LYST: variants seen among roughly 807,000 people sequenced by gnomAD.
LYST encodes the protein lysosomal-trafficking regulator.
In LYST, 192 loss-of-function variants were observed where a neutral mutation model predicts 413.6. That is an observed-to-expected ratio of 0.46 (90% CI 0.41 to 0.52). LYST has a LOEUF of 0.52. Among genes scored for constraint, LYST ranks in the 20% least tolerant of loss-of-function variants. The pLI, the probability that LYST is intolerant of heterozygous loss-of-function variation, is 0.00. For synonymous variants in LYST, 1,525 were observed against 1,567.3 expected (o/e 0.97, Z 0.64); for missense variants, 3,815 against 4,499.9 (o/e 0.85, Z 4.35).
At position 235,686,178 on chromosome 1, in the gene LYST, C is replaced by T. The variant is rs1215241286; in HGVS notation, c.10800+771G>A. ...AGCCAGGAGTTCGAGACCAGCCTGG[C>T]CAACATGGCAAAACCCCATCTCTAC... On this transcript the variant is annotated intron_variant, in intron 48 of 52. Coordinates refer to ENST00000389793, the MANE Select transcript of LYST (RefSeq NM_000081.4). The surrounding 1 kb of genome is among the most constrained non-coding windows in gnomAD (Gnocchi z 4.0). Among the ~76,000 whole-genome samples the T allele has an allele frequency of 1.3e-5, 2 of 152,122 alleles. No homozygotes were observed. Among genetic ancestry groups the T allele is most frequent in the East Asian group, 3.9e-4 (2 of 5,136 alleles).
chr1:235,825,031 A>AAACAAC (rs534430125), intron 3 of LYST, among the ~76,000 whole-genome samples: 11 of 151,996 alleles, frequency 7.2e-5, no homozygotes, highest in African/African-American at 2.4e-4. Flanking sequence ...AAAAAAAAGA[A>AAACAAC]AACAACAACA....
chr1:235,793,684 AAGAGGTAAAATACT>A (rs1250375721), intron 10 of LYST, 72 bp from the exon 11 acceptor site: 4 of 803,950 alleles, frequency 5.0e-6, no homozygotes, highest in Non-Finnish European at 8.7e-6. Context: ...ATTTCACCAA[AAGAGGTAAAATACT>A]ATTGTCACTT....
chr1:235,763,694 A>AG (rs926409592), intron 21 of LYST, among the ~76,000 whole-genome samples: 6 of 151,898 alleles, frequency 4.0e-5, no homozygotes, highest in Non-Finnish European at 5.9e-5. Flanking sequence ...CCTGGCCTCA[A>AG]GTGATCCACC....
chr1:235,720,867 G>A lies in LYST; in HGVS notation c.9354C>T (p.Asn3118=). The A allele has an allele frequency of 6.2e-7, 1 of 1,613,572 alleles. No individual in the cohort carries two copies. Among genetic ancestry groups the A allele is most frequent in the Non-Finnish European group, 8.5e-7 (1 of 1,179,528 alleles). Residue 3118 remains asparagine (N), a synonymous_variant, in exon 40 of 53, where the codon AAC becomes AAT. Coordinates refer to ENST00000389793, the MANE Select transcript of LYST (RefSeq NM_000081.4). The part of the protein sequence containing the change: ...DDVYHNILTN[N]LPNLLEYGNI... ...TACCATATTCCAGAAGATTAGGGAG[G>A]TTATTTGTGAGTATATTGTGGTATA...
intron 1 of LYST, among the ~76,000 whole-genome samples, chr1:235,836,687 C>T (rs527739128): frequency 7.4e-4 from 113 of 152,226 alleles, no homozygotes; most frequent in Non-Finnish European, 1.3e-3. Context: ...GAAGTGTTCC[C>T]CTGAAACCAT....
intron 3 of LYST, among the ~76,000 whole-genome samples, chr1:235,825,224 A>G (rs1675199007): frequency 6.6e-6 from 1 of 152,232 alleles, no homozygotes; most frequent in Non-Finnish European, 1.5e-5. Context: ...AAAGGTGTCT[A>G]AGAAAAACTG....
intron 45 of LYST, 49 bp from the exon 46 acceptor site, chr1:235,697,321 G>T: frequency 7.4e-7 from 1 of 1,352,956 alleles, no homozygotes; most frequent in Non-Finnish European, 1.0e-6. Flanking sequence ...GGTGGTAAGT[G>T]TAGAATTACT....
chr1:235,741,297 G>A (rs1196150648), intron 31 of LYST, 125 bp downstream of exon 31: 2 of 867,910 alleles, frequency 2.3e-6, no homozygotes, highest in Non-Finnish European at 3.8e-6. Context: ...GGTTAAATTT[G>A]CTTGGTAAGA....
intron 48 of LYST, among the ~76,000 whole-genome samples, chr1:235,681,659 T>C (rs936083890): frequency 3.9e-5 from 6 of 152,142 alleles, no homozygotes; most frequent in Admixed American, 6.5e-5. Context: ...CATTTCTATT[T>C]ATCCTGCCAA....
intron 44 of LYST, among the ~76,000 whole-genome samples, chr1:235,707,210 C>G (rs1394789057): frequency 6.6e-6 from 1 of 152,194 alleles, no homozygotes; most frequent in South Asian, 2.1e-4. Flanking sequence ...CTCCTAACCC[C>G]CTTCACCCTA....
In LYST at chr1:235,810,586, C is replaced by A. The variant is rs371426157; in HGVS notation, c.284-52G>T. 2.6e-6 allele frequency: 4 copies of A among 1,512,336 alleles called. No homozygotes were observed. The African/African-American group carries it at 5.5e-5, about 21-fold the overall frequency. The allele number at this position is 1,512,336 out of a possible 1,614,324, so 93.7% of individuals were successfully genotyped here. ...GAATACCTCAATATGTTTTAAAACTCAATTTTAAGGTGACAGCCCTCTTAT... is the reference window on the plus strand; with the variant it reads ...GAATACCTCAATATGTTTTAAAACTAAATTTTAAGGTGACAGCCCTCTTAT... On this transcript the variant is annotated intron_variant, in intron 4 of 52. Transcript: ENST00000389793.
intron 26 of LYST, among the ~76,000 whole-genome samples, chr1:235,752,827 AT>A (rs2103313618): frequency 6.6e-6 from 1 of 152,208 alleles, no homozygotes; most frequent in East Asian, 1.9e-4. Context: ...GGGCCAGTTA[AT>A]AAAGTAGCAT....
At chr1:235,793,305 C>G (rs1236356516) in intron 11 of LYST, among the ~76,000 whole-genome samples, 198 bp downstream of exon 11, 1 of 152,010 alleles carries the variant, frequency 6.6e-6, no homozygotes, top group East Asian at 1.9e-4. Context: ...TCTGGTTAAT[C>G]CAAATTGAAG....
rs369847918 is a variant in LYST, at chr1:235,780,926, C to T, written c.5153G>A (p.Arg1718Gln). 5.7e-5 allele frequency: 90 copies of T among 1,591,692 alleles called. No individual in the cohort carries two copies. The highest frequency in any genetic ancestry group is 6.4e-5 in the Non-Finnish European group (74 of 1,164,478). ...YSKYINKEIL[R>Q]CEQIRELFMT... is the part of the protein sequence containing the mutation. ...AAAAAGTTCTCTGATTTGTTCACATCGCAAAATTTCTTTATTAATATATTT... is the reference window on the plus strand; with the variant it reads ...AAAAAGTTCTCTGATTTGTTCACATTGCAAAATTTCTTTATTAATATATTT... Residue 1718 changes from arginine to glutamine, a missense_variant, in exon 16 of 53, where the codon CGA becomes CAA. Physicochemically the swap from Arg to Gln is conservative, Grantham distance 43. Transcript: ENST00000389793.
At chr1:235,712,898 G>C (rs1572051265) in intron 42 of LYST, 7 of 984,962 alleles carry the variant, frequency 7.1e-6, no homozygotes, top group Non-Finnish European at 7.2e-6. Context: ...CTAGCCATAG[G>C]GAAAGGCCTA....
chr1:235,777,066 G>A lies in LYST; in HGVS notation c.5457C>T (p.Ala1819=). Residue 1819 remains alanine (A), a synonymous_variant, in exon 17 of 53, where the codon GCC becomes GCT. Coordinates refer to ENST00000389793, the MANE Select transcript of LYST (RefSeq NM_000081.4). The part of the protein sequence containing the change: ...GGTGIFVFLF[A]RVVELSSCEE... ...AACTATAAGCAGTGATTCTTACCCT[G>A]GCAAAGAGAAAAACAAATATGCCAG... The A allele has an allele frequency of 6.2e-7, 1 of 1,612,854 alleles. No homozygotes were observed. The highest frequency in any genetic ancestry group is 8.5e-7 in the Non-Finnish European group (1 of 1,179,178).
chr1:235,793,294 G>T (rs538949996), intron 11 of LYST, among the ~76,000 whole-genome samples: 1 of 152,186 alleles, frequency 6.6e-6, no homozygotes, highest in South Asian at 2.1e-4. Flanking sequence ...TCAGCGATAT[G>T]TCTGGTTAAT....
rs1294589796 is a variant in LYST, at chr1:235,709,084, CACTT to C, written c.10143+3_10143+6del. Reference sequence around the variant, plus strand: ...TAAATACAGATTGTTTTAAAAGAGTCACTTACAGCAGGATGAAAAACATTGATCG... The same window carrying C: ...TAAATACAGATTGTTTTAAAAGAGTCACAGCAGGATGAAAAACATTGATCG... On this transcript the variant is annotated splice_donor_5th_base_variant and intron_variant, in intron 44 of 52. Transcript: ENST00000389793. 6.2e-7 allele frequency: 1 copy of C among 1,612,060 alleles called. No homozygotes were observed. Among genetic ancestry groups the C allele is most frequent in the Non-Finnish European group, 8.5e-7 (1 of 1,178,180 alleles).
intron 14 of LYST, among the ~76,000 whole-genome samples, chr1:235,782,909 T>A (rs1670016936): frequency 6.6e-6 from 1 of 152,228 alleles, no homozygotes; most frequent in South Asian, 2.1e-4. Context: ...TAATGCTAAG[T>A]GATTATGCAG....
Sources: allele counts gnomAD v4.1 joint callset (sites outside exome capture counted in the v4.1 genomes callset), GRCh38; gene constraint gnomAD v4.1.1; non-coding constraint Gnocchi (gnomAD v3.1); transcripts MANE v1.5; gene names NCBI Gene and HGNC (gene_info 2026-07-23, HGNC 2026-07-21).